The following PDE7B variants were observed in gnomAD, a reference collection of about 807,000 sequenced individuals.
The protein encoded by PDE7B is 3',5'-cyclic-AMP phosphodiesterase 7B.
PDE7B carries 29 observed loss-of-function variants against 56.2 expected under a neutral mutation model. The ratio of observed to expected loss-of-function variants is 0.52; its 90% CI spans 0.38 to 0.70. PDE7B has a LOEUF of 0.70. Among genes scored for constraint, PDE7B ranks in the 30% least tolerant of loss-of-function variants. PDE7B has a pLI of 0.00. For synonymous variants in PDE7B, 197 were observed against 196.9 expected (o/e 1.00, Z 0.00); for missense variants, 490 against 565.0 (o/e 0.87, Z 1.35).
At chr6:136,002,516 CAAATGGAAAACAAA>C (rs1273256979) in intron 2 of PDE7B, among the ~76,000 whole-genome samples, 1 of 151,976 alleles carries the variant, frequency 6.6e-6, no homozygotes, top group Non-Finnish European at 1.5e-5. Context: ...ATCTACCAAG[CAAATGGAAAACAAA>C]AAAAGGCAGG....
At chr6:135,916,392 C>CTTTTTTTTTTTTTTTTTTTTTTTTTTTTT (rs566408380) in intron 1 of PDE7B, among the ~76,000 whole-genome samples, 15 of 96,346 alleles carry the variant, frequency 1.6e-4, no homozygotes, top group Middle Eastern at 7.5e-3. Context: ...TCTTTTCTTT[C>CTTTTTTTTTTTTTTTTTTTTTTTTTTTTT]TTTTTTTTTT....
rs541302944 is a variant in PDE7B, at chr6:136,113,479, T to C, written c.166+4665T>C. Among the ~76,000 whole-genome samples, 4 of 152,298 alleles carry C rather than the reference T, an allele frequency of 2.6e-5. No individual in the cohort carries two copies. The South Asian group carries it at 6.2e-4, about 24-fold the overall frequency. ...ACTTCTTGAAGCTTCTCTGGATAAA[T>C]AGCAGGAAACTGTGGCCTCAGCACT... On this transcript the variant is annotated intron_variant, in intron 3 of 12. Transcript: ENST00000308191.
At position 135,904,815 on chromosome 6, in the gene PDE7B, G is replaced by A. The variant is rs377570149; in HGVS notation, c.22-42649G>A. Among the ~76,000 whole-genome samples, 18 of 152,282 alleles carry A rather than the reference G, an allele frequency of 1.2e-4. 2 individuals carry two copies. Among genetic ancestry groups the A allele is most frequent in the East Asian group, 5.8e-4 (3 of 5,178 alleles). On this transcript the variant is annotated intron_variant, in intron 1 of 12. Transcript: ENST00000308191. ...GGCCATTCCTATCCATCCTGCATGA[G>A]TAACACAAGATATGACTCACTGCTG... is the stretch of plus-strand genomic sequence containing the variant.
At chr6:135,989,193 G>A (rs1392240844) in intron 2 of PDE7B, among the ~76,000 whole-genome samples, 1 of 152,164 alleles carries the variant, frequency 6.6e-6, no homozygotes, top group African/African-American at 2.4e-5. Context: ...TAAAACACTT[G>A]TGGATACAAT....
At chr6:136,082,855 C>T (rs1454170334) in intron 2 of PDE7B, among the ~76,000 whole-genome samples, 1 of 152,092 alleles carries the variant, frequency 6.6e-6, no homozygotes, top group Non-Finnish European at 1.5e-5. Flanking sequence ...CAGTAAAAGA[C>T]TTGTTTTCTA....
chr6:136,188,699 A>ACACACTTATT (rs1028506716), intron 12 of PDE7B, among the ~76,000 whole-genome samples: 3 of 152,196 alleles, frequency 2.0e-5, no homozygotes, highest in African/African-American at 7.2e-5. Context: ...TGTCATGAGA[A>ACACACTTATT]CACACTTATT....
At chr6:136,137,572 T>C (rs796273749) in intron 3 of PDE7B, among the ~76,000 whole-genome samples, 31 of 152,168 alleles carry the variant, frequency 2.0e-4, no homozygotes, top group African/African-American at 7.2e-4. Context: ...ACAGTTGACA[T>C]AGACCTATTT....
intron 1 of PDE7B, among the ~76,000 whole-genome samples, chr6:135,930,847 T>C (rs1050447254): frequency 2.6e-5 from 4 of 152,240 alleles, no homozygotes; most frequent in African/African-American, 9.6e-5. Flanking sequence ...TTTCTGAGGC[T>C]ACTTGGAGTT....
At chr6:135,919,487 GT>G (rs1294253611) in intron 1 of PDE7B, among the ~76,000 whole-genome samples, 3 of 152,154 alleles carry the variant, frequency 2.0e-5, no homozygotes, top group African/African-American at 7.2e-5. Context: ...CGCTCTATTA[GT>G]CCCTACAACC....
intron 2 of PDE7B, among the ~76,000 whole-genome samples, chr6:136,090,038 C>T (rs552271327): frequency 7.9e-5 from 12 of 152,168 alleles, no homozygotes; most frequent in South Asian, 4.2e-4. Context: ...TCTGAGATAC[C>T]GAAAGACACC....
At chr6:135,923,227 G>A (rs1774122318) in intron 1 of PDE7B, among the ~76,000 whole-genome samples, 1 of 152,094 alleles carries the variant, frequency 6.6e-6, no homozygotes, top group African/African-American at 2.4e-5. Context: ...ATACAATTCC[G>A]TAGCTATATA....
intron 3 of PDE7B, among the ~76,000 whole-genome samples, chr6:136,137,853 A>C (rs1478978560): frequency 6.6e-6 from 1 of 152,160 alleles, no homozygotes; most frequent in Non-Finnish European, 1.5e-5. Context: ...TCCTAAAATT[A>C]GCACCAAAGT....
intron 11 of PDE7B, among the ~76,000 whole-genome samples, chr6:136,181,571 A>G (rs907002377): frequency 2.6e-5 from 4 of 152,236 alleles, no homozygotes; most frequent in Admixed American, 1.3e-4. Flanking sequence ...AAAATGAGCA[A>G]AAGTGGGACA....
chr6:136,130,335 A>G (rs1778096311), intron 3 of PDE7B, among the ~76,000 whole-genome samples: 1 of 151,772 alleles, frequency 6.6e-6, no homozygotes. Flanking sequence ...TCCCTTCCTC[A>G]TTCCTTTTCT....
intron 6 of PDE7B, among the ~76,000 whole-genome samples, chr6:136,153,197 A>G (rs1778550044): frequency 1.3e-5 from 2 of 152,246 alleles, no homozygotes; most frequent in Non-Finnish European, 2.9e-5. Context: ...AGGGAGATAC[A>G]GATATAGATA....
chr6:135,955,513 T>C (rs943263574), intron 2 of PDE7B, among the ~76,000 whole-genome samples: 8 of 151,912 alleles, frequency 5.3e-5, no homozygotes, highest in African/African-American at 1.2e-4. Context: ...AGGAATGAGA[T>C]AAGACAATCG....
At chr6:136,102,290 A>G (rs1450883833) in intron 2 of PDE7B, among the ~76,000 whole-genome samples, 1 of 152,190 alleles carries the variant, frequency 6.6e-6, no homozygotes, top group Non-Finnish European at 1.5e-5. Flanking sequence ...GGGTTTGGGA[A>G]GGAACACAGA....
At chr6:136,184,158 G>C (rs907630276) in intron 11 of PDE7B, among the ~76,000 whole-genome samples, 1 of 152,158 alleles carries the variant, frequency 6.6e-6, no homozygotes, top group Non-Finnish European at 1.5e-5. Context: ...AAGAACTACA[G>C]GTAGTCTATG....
At chr6:135,981,452 A>T (rs116721084) in intron 2 of PDE7B, among the ~76,000 whole-genome samples, 4,625 of 151,766 alleles carry the variant, frequency 0.03, 208 homozygotes, top group African/African-American at 0.098. Flanking sequence ...ATAATAATAA[A>T]AACAGACTAT....
Sources: allele counts gnomAD v4.1 joint callset (sites outside exome capture counted in the v4.1 genomes callset), GRCh38; gene constraint gnomAD v4.1.1; transcripts MANE v1.5; gene names NCBI Gene and HGNC (gene_info 2026-07-23, HGNC 2026-07-21).